GRIN2A: variants seen among roughly 807,000 people sequenced by gnomAD.
The protein encoded by GRIN2A is glutamate receptor ionotropic, NMDA 2A.
GRIN2A carries 22 observed loss-of-function variants against 113.4 expected under a neutral mutation model. The ratio of observed to expected loss-of-function variants is 0.19; its 90% CI spans 0.14 to 0.28. GRIN2A has a LOEUF of 0.28. Among genes scored for constraint, GRIN2A ranks in the 10% least tolerant of loss-of-function variants. GRIN2A has a pLI of 1.00. For synonymous variants in GRIN2A, 827 were observed against 738.4 expected, an observed-to-expected ratio of 1.12 and a Z score of -1.94; for missense variants, 1,502 against 1,887.0, an observed-to-expected ratio of 0.80 and a Z score of 3.78.
In GRIN2A at chr16:9,982,314, T is replaced by C. The variant is rs191461779; in HGVS notation, c.415-43763A>G. Among the ~76,000 whole-genome samples, 260 of 152,344 alleles carry C rather than the reference T, an allele frequency of 1.7e-3. 2 individuals are homozygous for C. Among genetic ancestry groups the C allele is most frequent in the South Asian group, 3.9e-3 (19 of 4,828 alleles). ...CTTCATAAGTGATGTGTGTACTTTC[T>C]TTAAAAAATAAATTTTCTGGTTGTC... On this transcript the variant is annotated intron_variant, in intron 2 of 12. Coordinates refer to ENST00000330684, the MANE Select transcript of GRIN2A (RefSeq NM_001134407.3).
At chr16:9,799,236 A>G (rs1027070797) in intron 10 of GRIN2A, among the ~76,000 whole-genome samples, 2 of 152,222 alleles carry the variant, frequency 1.3e-5, no homozygotes, top group African/African-American at 2.4e-5. Context: ...TTCATACAGA[A>G]GTAGGGTGAA....
chr16:9,979,819 G>GTATACT (rs2045856109), intron 2 of GRIN2A, among the ~76,000 whole-genome samples: 1 of 118,736 alleles, frequency 8.4e-6, no homozygotes, highest in Non-Finnish European at 1.9e-5. Flanking sequence ...ATATGTATAT[G>GTATACT]TATGTATTTA....
At chr16:9,946,499 T>G (rs1021266161) in intron 2 of GRIN2A, among the ~76,000 whole-genome samples, 1 of 152,168 alleles carries the variant, frequency 6.6e-6, no homozygotes, top group African/African-American at 2.4e-5. Context: ...GATCCCTTTT[T>G]TTTCATGAAG....
At chr16:10,082,185 C>T (rs11074568) in intron 2 of GRIN2A, among the ~76,000 whole-genome samples, 17 of 152,186 alleles carry the variant, frequency 1.1e-4, no homozygotes, top group South Asian at 4.2e-4. Context: ...TCTCTGCCTA[C>T]GATGGAATTA....
chr16:9,982,016 G>T (rs1256066089), intron 2 of GRIN2A, among the ~76,000 whole-genome samples: 1 of 152,120 alleles, frequency 6.6e-6, no homozygotes, highest in African/African-American at 2.4e-5. Flanking sequence ...TGGAACTCCT[G>T]GCCTCAAGTG....
intron 2 of GRIN2A, among the ~76,000 whole-genome samples, chr16:10,071,844 G>A (rs2047758552): frequency 6.6e-6 from 1 of 152,172 alleles, no homozygotes; most frequent in South Asian, 2.1e-4. Flanking sequence ...TTGTTTATAT[G>A]CATCATCTTG....
chr16:10,144,264 G>A (rs1456819323), intron 2 of GRIN2A, among the ~76,000 whole-genome samples: 1 of 152,126 alleles, frequency 6.6e-6, no homozygotes, highest in Non-Finnish European at 1.5e-5. Context: ...TTTTACATTA[G>A]CACCAACAGT....
intron 2 of GRIN2A, among the ~76,000 whole-genome samples, chr16:10,140,869 G>C (rs1349440963): frequency 1.3e-5 from 2 of 152,174 alleles, no homozygotes; most frequent in East Asian, 3.8e-4. Context: ...TTGCCACACT[G>C]GGAGTTGGGG....
intron 2 of GRIN2A, among the ~76,000 whole-genome samples, chr16:9,990,559 G>GCACACACACA (rs1374648465): frequency 1.1e-5 from 1 of 94,570 alleles, no homozygotes; most frequent in African/African-American, 3.3e-5. Flanking sequence ...GCGCGCGCGC[G>GCACACACACA]CGCGCACACA....
At chr16:10,084,206 A>C (rs551946140) in intron 2 of GRIN2A, among the ~76,000 whole-genome samples, 1 of 152,290 alleles carries the variant, frequency 6.6e-6, no homozygotes, top group Non-Finnish European at 1.5e-5. Context: ...ACACTCAATG[A>C]CTATTTATAT....
At chr16:10,167,326 G>A (rs1213732540) in intron 2 of GRIN2A, among the ~76,000 whole-genome samples, 1 of 152,124 alleles carries the variant, frequency 6.6e-6, no homozygotes, top group Non-Finnish European at 1.5e-5. Flanking sequence ...TAAATTCTTT[G>A]AGTGAGTTTG....
chr16:10,150,584 G>C (rs1841203814), intron 2 of GRIN2A, among the ~76,000 whole-genome samples: 1 of 152,038 alleles, frequency 6.6e-6, no homozygotes, highest in African/African-American at 2.4e-5. Flanking sequence ...AGCCATCCTA[G>C]TCTTCTTACT....
chr16:10,094,970 T>G (rs545517218), intron 2 of GRIN2A, among the ~76,000 whole-genome samples: 1 of 151,578 alleles, frequency 6.6e-6, no homozygotes, highest in South Asian at 2.1e-4. Context: ...TAACCTGCCA[T>G]TGACTATATT....
intron 2 of GRIN2A, among the ~76,000 whole-genome samples, chr16:9,988,905 C>T (rs1416004663): frequency 2.0e-5 from 3 of 152,140 alleles, no homozygotes; most frequent in Non-Finnish European, 4.4e-5. Flanking sequence ...GGTCCTACAA[C>T]TAACTCTCAT....
At chr16:9,890,215 C>A (rs557998516) in intron 4 of GRIN2A, among the ~76,000 whole-genome samples, 4 of 152,150 alleles carry the variant, frequency 2.6e-5, no homozygotes, top group African/African-American at 9.7e-5. Context: ...AAGATAACAA[C>A]GTAACAACAA....
rs990085665 is a variant in GRIN2A at position 9,758,695 on chromosome 16, G to A, written c.*4454C>T. On this transcript the variant is annotated 3_prime_UTR_variant, in exon 13 of 13. Coordinates refer to ENST00000330684, the MANE Select transcript of GRIN2A (RefSeq NM_001134407.3). ...TTTGATCATCTCTGATCTATATCAAGTGGCAAGCTGACCTCATCTGATACA... is the reference window on the plus strand; with the variant it reads ...TTTGATCATCTCTGATCTATATCAAATGGCAAGCTGACCTCATCTGATACA... 4.6e-6 allele frequency: 1 copy of A among 215,816 alleles called. No individual in the cohort carries two copies. The allele number at this position is 215,816 out of a possible 1,614,324, so 13.4% of individuals were successfully genotyped here.
chr16:10,093,395 T>G (rs1439529265), intron 2 of GRIN2A, among the ~76,000 whole-genome samples: 1 of 152,184 alleles, frequency 6.6e-6, no homozygotes, highest in Non-Finnish European at 1.5e-5. Flanking sequence ...CCCATCTTAC[T>G]AGACCACTAG....
intron 2 of GRIN2A, among the ~76,000 whole-genome samples, chr16:10,039,577 G>C (rs1285691456): frequency 6.6e-6 from 1 of 151,994 alleles, no homozygotes; most frequent in Admixed American, 6.5e-5. Context: ...AGAGGGCAGC[G>C]AGGACTGCGC....
intron 2 of GRIN2A, among the ~76,000 whole-genome samples, chr16:9,999,306 C>A (rs945181656): frequency 6.6e-6 from 1 of 152,150 alleles, no homozygotes; most frequent in Non-Finnish European, 1.5e-5. Context: ...CTCTAAACAG[C>A]ATTTTGTAAT....
Sources: allele counts gnomAD v4.1 joint callset (sites outside exome capture counted in the v4.1 genomes callset), GRCh38; gene constraint gnomAD v4.1.1; transcripts MANE v1.5; gene names NCBI Gene and HGNC (gene_info 2026-07-23, HGNC 2026-07-21).